Variants in CERKL observed in about 807,000 individuals in gnomAD.
The protein encoded by CERKL is ceramide kinase-like protein.
CERKL carries 61 observed loss-of-function variants against 63.4 expected under a neutral mutation model. The observed-to-expected ratio is 0.96, with a 90% CI of 0.78 to 1.19. The LOEUF (loss-of-function observed/expected upper bound fraction) is 1.19, where lower values mean the gene tolerates loss of function less well. Ranked by LOEUF, CERKL falls within the 50% of genes most tolerant of loss-of-function variation. The pLI, the probability that CERKL is intolerant of heterozygous loss-of-function variation, is 0.00. For missense variants in CERKL, 675 were observed against 655.5 expected (o/e 1.03, Z -0.33); for synonymous variants, 250 against 230.5 (o/e 1.08, Z -0.77).
At chr2:181,611,699 T>C (rs1685975830) in intron 1 of CERKL, among the ~76,000 whole-genome samples, 3 of 152,048 alleles carry the variant, frequency 2.0e-5, no homozygotes, top group African/African-American at 4.8e-5. Context: ...GTAAATAAAA[T>C]GCCGGGCTGA....
chr2:181,656,709 G>A, intron 1 of CERKL, 60 bp downstream of exon 1: 1 of 1,419,488 alleles, frequency 7.0e-7, no homozygotes, highest in Non-Finnish European at 9.5e-7. Flanking sequence ...TGTAGGCCTT[G>A]GGCCGGGGAG....
intron 1 of CERKL, chr2:181,649,655 T>C (rs1288168150): frequency 6.6e-6 from 1 of 152,232 alleles, no homozygotes; most frequent in Admixed American, 6.5e-5. Flanking sequence ...AGAGATCACA[T>C]GTTAGGCCAC....
intron 8 of CERKL, 72 bp from the exon 9 acceptor site, chr2:181,547,919 C>T (rs1224445068): frequency 3.2e-5 from 35 of 1,104,216 alleles, no homozygotes; most frequent in Non-Finnish European, 4.4e-5. Context: ...ACACACAAAT[C>T]TATTAAATAT....
intron 4 of CERKL, among the ~76,000 whole-genome samples, chr2:181,559,452 G>C (rs143567424): frequency 6.6e-6 from 1 of 152,182 alleles, no homozygotes; most frequent in East Asian, 1.9e-4. Context: ...TAACCCAATG[G>C]AAAGTGGATT....
chr2:181,646,486 A>G (rs1378255380), intron 1 of CERKL, among the ~76,000 whole-genome samples: 1 of 152,252 alleles, frequency 6.6e-6, no homozygotes. Flanking sequence ...GAGTTAGTCT[A>G]CGGAGCAAGG....
At chr2:181,544,841 G>A in intron 10 of CERKL, 45 bp from the exon 11 acceptor site, 1 of 1,163,314 alleles carries the variant, frequency 8.6e-7, no homozygotes, top group Non-Finnish European at 1.3e-6. Flanking sequence ...TTTACTAAGA[G>A]ATTATACCAA....
chr2:181,637,583 A>G (rs1365745923), intron 1 of CERKL, among the ~76,000 whole-genome samples: 1 of 152,146 alleles, frequency 6.6e-6, no homozygotes, highest in Non-Finnish European at 1.5e-5. Flanking sequence ...GTTTATTTAT[A>G]TAAAATAAAA....
intron 1 of CERKL, among the ~76,000 whole-genome samples, chr2:181,605,281 TAG>T (rs1685631340): frequency 6.6e-6 from 1 of 152,208 alleles, no homozygotes; most frequent in African/African-American, 2.4e-5. Context: ...CTAAGGGGAC[TAG>T]AGTTCACTGT....
intron 2 of CERKL, 44 bp downstream of exon 2, chr2:181,603,793 C>T (rs1289207505): frequency 6.3e-7 from 1 of 1,598,008 alleles, no homozygotes; most frequent in Non-Finnish European, 8.6e-7. Context: ...TCATGTATAT[C>T]AAGGAAACTG....
rs184050325 is a variant in CERKL, at chr2:181,556,813, T to C, written c.820+1753A>G. ...TTCTAGTTCTAGATCCCTGAGGAAT[T>C]GCCACACTGTCTTCCACAATGGTTG... On this transcript the variant is annotated intron_variant, in intron 5 of 12. Transcript: ENST00000410087. Among the ~76,000 whole-genome samples the C allele has an allele frequency of 7.6e-3, 1,153 of 152,306 alleles. 9 individuals carry two copies. Among genetic ancestry groups the C allele is most frequent in the African/African-American group, 0.026 (1,077 of 41,572 alleles).
intron 1 of CERKL, among the ~76,000 whole-genome samples, chr2:181,625,837 C>A (rs755265912): frequency 6.6e-6 from 1 of 152,134 alleles, no homozygotes; most frequent in Non-Finnish European, 1.5e-5. Flanking sequence ...CAGGGGCAAA[C>A]AAAACAGAAA....
intron 1 of CERKL, among the ~76,000 whole-genome samples, chr2:181,650,960 T>A (rs12991856): frequency 0.44 from 66,633 of 151,796 alleles, 16,202 homozygotes; most frequent in South Asian, 0.78. Context: ...CCCCGACACA[T>A]ACAACCTATC....
intron 3 of CERKL, among the ~76,000 whole-genome samples, chr2:181,568,439 C>A (rs1416526280): frequency 6.6e-6 from 1 of 152,106 alleles, no homozygotes; most frequent in African/African-American, 2.4e-5. Context: ...TCTCCAGAAC[C>A]ACTCCATGGC....
rs556972526 is a variant in CERKL at position 181,613,535 on chromosome 2, T to C, written c.239-9456A>G. 7.2e-5 allele frequency among the ~76,000 whole-genome samples: 11 copies of C among 152,256 alleles called. No individual in the cohort carries two copies. In the South Asian group the frequency reaches 1.7e-3, roughly 23 times the overall value. ...TTTGTGTACAGATCAAAATCTGAGG[T>C]TTTCACACGAATGGTCTTTTTGCCA... On this transcript the variant is annotated intron_variant, in intron 1 of 12. Transcript: ENST00000410087.
intron 1 of CERKL, among the ~76,000 whole-genome samples, chr2:181,635,675 T>C (rs969040881): frequency 5.3e-5 from 8 of 152,202 alleles, no homozygotes; most frequent in Non-Finnish European, 1.0e-4. Context: ...CTTTGAATTA[T>C]GTTTGTAACA....
chr2:181,584,291 T>A (rs1178240884), intron 2 of CERKL, among the ~76,000 whole-genome samples: 2 of 151,970 alleles, frequency 1.3e-5, no homozygotes, highest in Non-Finnish European at 2.9e-5. Context: ...GTAGGAGGAA[T>A]GCTTGAGGCC....
At position 181,539,205 on chromosome 2, in the gene CERKL, ATTCC is replaced by A. The variant is rs779653459; in HGVS notation, c.1421_1424del (p.Arg474IlefsTer25). ...CCTCTGGATTATATCCACCAGTATT[ATTCC>A]TTGGATGAACTTTTACTTCCTCAAC... On this transcript the variant is annotated frameshift_variant, in exon 12 of 13. Transcript: ENST00000410087. LOFTEE classifies it high-confidence loss of function. The A allele has an allele frequency of 6.2e-7, 1 of 1,605,852 alleles. No homozygotes were observed. Among genetic ancestry groups the A allele is most frequent in the Non-Finnish European group, 8.5e-7 (1 of 1,172,704 alleles).
intron 1 of CERKL, among the ~76,000 whole-genome samples, chr2:181,607,311 A>G (rs903022901): frequency 4.6e-5 from 7 of 152,230 alleles, no homozygotes; most frequent in Admixed American, 3.9e-4. Flanking sequence ...CCCCTTGATC[A>G]TATTATGAAG....
rs76753348 is a variant in CERKL at position 181,598,690 on chromosome 2, C to T, written c.481+5147G>A. On this transcript the variant is annotated intron_variant, in intron 2 of 12. Coordinates refer to ENST00000410087, the MANE Select transcript of CERKL (RefSeq NM_201548.5). The stretch of plus-strand genomic sequence containing the variant: ...CAAAATAAGCTTCCTGAGACTTCTG[C>T]ACCCTCAGCCCCACATGAGATAGAG... Among the ~76,000 whole-genome samples the T allele has an allele frequency of 3.1e-3, 475 of 152,276 alleles. 4 individuals are homozygous for T. Among genetic ancestry groups the T allele is most frequent in the African/African-American group, 0.011 (452 of 41,538 alleles).
Sources: gnomAD v4.1 joint callset for allele counts (sites outside exome capture counted in the v4.1 genomes callset) on GRCh38, gnomAD v4.1.1 for gene constraint, MANE v1.5 for transcripts, NCBI Gene and HGNC (gene_info 2026-07-23, HGNC 2026-07-21) for gene names.